CCSER1: variants seen among roughly 807,000 people sequenced by gnomAD.
The protein encoded by CCSER1 is serine-rich coiled-coil domain-containing protein 1.
Under a neutral mutation model 82.0 loss-of-function variants are expected in CCSER1, and 41 were observed. The ratio of observed to expected loss-of-function variants is 0.50; its 90% CI spans 0.39 to 0.65. The LOEUF is 0.65. Ranked by LOEUF, CCSER1 falls within the 30% of genes least tolerant of loss-of-function variation. CCSER1 has a pLI of 0.00. For synonymous variants in CCSER1, 414 were observed against 383.9 expected (o/e 1.08, Z -0.92); for missense variants, 1,119 against 1,064.2 (o/e 1.05, Z -0.72).
At chr4:91,059,754 A>G (rs878897503) in intron 9 of CCSER1, among the ~76,000 whole-genome samples, 3 of 151,990 alleles carry the variant, frequency 2.0e-5, no homozygotes, top group Non-Finnish European at 4.4e-5. Context: ...TCCACCTAGC[A>G]TGAGTCTGTA....
At chr4:90,552,133 C>G (rs1579115847) in intron 5 of CCSER1, among the ~76,000 whole-genome samples, 1 of 152,042 alleles carries the variant, frequency 6.6e-6, no homozygotes, top group African/African-American at 2.4e-5. Context: ...TCTTAAAGGC[C>G]CCACGACTTA....
chr4:90,655,467 A>G (rs1278645814), intron 6 of CCSER1, among the ~76,000 whole-genome samples: 2 of 151,978 alleles, frequency 1.3e-5, no homozygotes, highest in Non-Finnish European at 2.9e-5. Flanking sequence ...TCAGATTGAA[A>G]CAAAACACTA....
intron 9 of CCSER1, among the ~76,000 whole-genome samples, chr4:90,950,123 C>T (rs922525711): frequency 3.9e-5 from 6 of 152,106 alleles, no homozygotes; most frequent in African/African-American, 1.2e-4. Context: ...AGAAGAACCA[C>T]AGTTAGCTAA....
At chr4:90,478,664 C>T (rs1765433292) in intron 5 of CCSER1, among the ~76,000 whole-genome samples, 1 of 151,036 alleles carries the variant, frequency 6.6e-6, no homozygotes, top group African/African-American at 2.4e-5. Flanking sequence ...AACAAAGGCA[C>T]ATGGAGATTA....
chr4:90,896,604 A>G (rs1482733081), intron 8 of CCSER1, among the ~76,000 whole-genome samples: 1 of 151,968 alleles, frequency 6.6e-6, no homozygotes, highest in African/African-American at 2.4e-5. Context: ...CTAGTAAGCC[A>G]GTATGAACCT....
At chr4:91,466,507 A>G (rs1299113913) in intron 10 of CCSER1, among the ~76,000 whole-genome samples, 1 of 152,210 alleles carries the variant, frequency 6.6e-6, no homozygotes, top group East Asian at 1.9e-4. Context: ...TGGCCAGGGC[A>G]ATCAGGCAAG....
At chr4:91,397,921 A>G (rs1752086555) in intron 10 of CCSER1, among the ~76,000 whole-genome samples, 1 of 151,970 alleles carries the variant, frequency 6.6e-6, no homozygotes, top group Admixed American at 6.6e-5. Flanking sequence ...GATACCAGAA[A>G]TCAGGACGGG....
chr4:90,407,155 T>C (rs958370443), intron 4 of CCSER1, among the ~76,000 whole-genome samples: 1 of 152,000 alleles, frequency 6.6e-6, no homozygotes, highest in African/African-American at 2.4e-5. Context: ...ATCCAAATAA[T>C]CTCAATTAGA....
intron 10 of CCSER1, among the ~76,000 whole-genome samples, chr4:91,580,997 A>G (rs570378988): frequency 6.6e-6 from 1 of 151,846 alleles, no homozygotes; most frequent in South Asian, 2.1e-4. Context: ...TCTGTCTCGG[A>G]GCACAAGTTC....
chr4:90,567,149 G>A (rs1252438339), intron 5 of CCSER1, among the ~76,000 whole-genome samples: 1 of 151,656 alleles, frequency 6.6e-6, no homozygotes, highest in Non-Finnish European at 1.5e-5. Flanking sequence ...TTTGGGCTTA[G>A]TCTTTTCTTG....
At chr4:91,361,018 G>A (rs1749209602) in intron 10 of CCSER1, among the ~76,000 whole-genome samples, 1 of 151,820 alleles carries the variant, frequency 6.6e-6, no homozygotes, top group African/African-American at 2.4e-5. Flanking sequence ...TCATAAGATG[G>A]TAGGTATTTA....
chr4:90,373,010 C>T (rs1426292034), intron 3 of CCSER1, among the ~76,000 whole-genome samples: 1 of 150,782 alleles, frequency 6.6e-6, no homozygotes, highest in African/African-American at 2.4e-5. Context: ...TTTATTAAGT[C>T]ACACTACTAT....
intron 5 of CCSER1, among the ~76,000 whole-genome samples, chr4:90,493,702 G>A (rs990996223): frequency 6.6e-6 from 1 of 152,122 alleles, no homozygotes; most frequent in Non-Finnish European, 1.5e-5. Flanking sequence ...ATCCTTTACA[G>A]ACAAGCAAAT....
chr4:91,514,372 T>C (rs1424961988), intron 10 of CCSER1, among the ~76,000 whole-genome samples: 3 of 152,132 alleles, frequency 2.0e-5, no homozygotes, highest in African/African-American at 7.2e-5. Flanking sequence ...TCTATGGTTA[T>C]GTATGTGGTT....
chr4:90,339,974 A>C (rs72881639), intron 3 of CCSER1, among the ~76,000 whole-genome samples: 2,926 of 152,148 alleles, frequency 0.019, 68 homozygotes, highest in African/African-American at 0.06. Context: ...CATGGAATAC[A>C]TATTAAGCAA....
intron 9 of CCSER1, among the ~76,000 whole-genome samples, chr4:91,059,042 C>T (rs1289713161): frequency 6.6e-6 from 1 of 151,840 alleles, no homozygotes; most frequent in Non-Finnish European, 1.5e-5. Context: ...TGTTGTACTA[C>T]TGGTAAAAAG....
chr4:90,243,959 A>G (rs1317736325), intron 1 of CCSER1, among the ~76,000 whole-genome samples: 1 of 151,872 alleles, frequency 6.6e-6, no homozygotes, highest in Non-Finnish European at 1.5e-5. Context: ...ATAGATTCTT[A>G]TTAAACTTTG....
At chr4:90,684,354 A>T (rs1361190269) in intron 6 of CCSER1, among the ~76,000 whole-genome samples, 1 of 152,176 alleles carries the variant, frequency 6.6e-6, no homozygotes, top group Non-Finnish European at 1.5e-5. Flanking sequence ...CTGAGGATCA[A>T]ATGGCATAAC....
At chr4:90,757,129 C>T (rs780683248) in intron 7 of CCSER1, among the ~76,000 whole-genome samples, 4 of 152,148 alleles carry the variant, frequency 2.6e-5, no homozygotes, top group East Asian at 3.9e-4. Context: ...ATAAGAGATT[C>T]GCAAATGACA....
Sources: allele counts gnomAD v4.1 joint callset (sites outside exome capture counted in the v4.1 genomes callset), GRCh38; gene constraint gnomAD v4.1.1; transcripts MANE v1.5; gene names NCBI Gene and HGNC (gene_info 2026-07-23, HGNC 2026-07-21).